CCNB1IP1: variants seen among roughly 807,000 people sequenced by gnomAD.
The protein encoded by CCNB1IP1 is E3 ubiquitin-protein ligase CCNB1IP1.
A neutral mutation model predicts 25.6 loss-of-function variants in CCNB1IP1; 14 were observed. The observed-to-expected ratio is 0.55, with a 90% CI of 0.36 to 0.85. The LOEUF (loss-of-function observed/expected upper bound fraction) is 0.85. CCNB1IP1 is among the 40% of genes least tolerant of loss of function. CCNB1IP1 has a pLI of 0.01. For synonymous variants in CCNB1IP1, 119 were observed against 116.1 expected (o/e 1.02, Z -0.16); for missense variants, 278 against 342.4 (o/e 0.81, Z 1.48).
chr14:20,314,872 A>G (rs1359794144), intron 5 of CCNB1IP1, among the ~76,000 whole-genome samples: 5 of 151,640 alleles, frequency 3.3e-5, no homozygotes, highest in Non-Finnish European at 7.4e-5. Flanking sequence ...TGGGCGGATC[A>G]TGAGGTCAGG....
At chr14:20,317,457 C>T (rs1882745710) in intron 4 of CCNB1IP1, 1 of 152,176 alleles carries the variant, frequency 6.6e-6, no homozygotes, top group South Asian at 2.1e-4. Flanking sequence ...AACACTCGCA[C>T]ACCTTTATCC....
intron 2 of CCNB1IP1, among the ~76,000 whole-genome samples, chr14:20,328,118 G>A (rs931177517): frequency 6.6e-6 from 1 of 152,154 alleles, no homozygotes; most frequent in African/African-American, 2.4e-5. Flanking sequence ...CTGTCAAGCT[G>A]TATAGAATTT....
chr14:20,332,520 A>G (rs1001266146), intron 1 of CCNB1IP1, among the ~76,000 whole-genome samples: 1 of 152,198 alleles, frequency 6.6e-6, no homozygotes, highest in African/African-American at 2.4e-5. Flanking sequence ...TATATATTTT[A>G]TCTGATCTTG....
chr14:20,316,425 A>C lies in CCNB1IP1; in HGVS notation c.99T>G (p.Cys33Trp). 1 of 1,614,044 alleles carries C rather than the reference A, an allele frequency of 6.2e-7. No homozygotes were observed. Among genetic ancestry groups the C allele is most frequent in the Non-Finnish European group, 8.5e-7 (1 of 1,179,962 alleles). ...AWVTACSHIF[C>W]DQHGSGEFSR... is the part of the protein sequence containing the mutation. ...TAAACTCACCACTGCCATGCTGATC[A>C]CAGAAGATGTGAGAGCAGGCAGTGA... The change falls in exon 5 of 7, where the codon TGT becomes TGG. Residue 33 changes from cysteine to tryptophan, a missense_variant. Physicochemically the swap from Cys to Trp is radical, Grantham distance 215. Coordinates refer to ENST00000358932, the MANE Select transcript of CCNB1IP1 (RefSeq NM_021178.5).
rs1882989784 is a variant in CCNB1IP1, at chr14:20,324,142, G to A, written c.-38+1397C>T. Among the ~76,000 whole-genome samples the A allele has an allele frequency of 1.3e-5, 2 of 152,064 alleles. 1 individual carries two copies. Among genetic ancestry groups the A allele is most frequent in the South Asian group, 4.2e-4 (2 of 4,818 alleles). ...TGAGGGGCGGGGTGAAGGTAATGAG[G>A]GGTAGTCTAATTAACAGAAAGATAT... On this transcript the variant is annotated intron_variant, in intron 4 of 6. Coordinates refer to ENST00000358932, the MANE Select transcript of CCNB1IP1 (RefSeq NM_021178.5).
In CCNB1IP1 at chr14:20,311,392, ATT is replaced by A; in HGVS notation, c.*156_*157del. On this transcript the variant is annotated 3_prime_UTR_variant, in exon 7 of 7. Transcript: ENST00000358932. Reference sequence around the variant, plus strand: ...CTGTAAAGTTAGCTAAATTATCTTTATTTTTTTTTAGAAACAGGGTCTCACTC... The same window carrying A: ...CTGTAAAGTTAGCTAAATTATCTTTATTTTTTTAGAAACAGGGTCTCACTC... The A allele has an allele frequency of 2.0e-6, 1 of 508,302 alleles. No individual in the cohort carries two copies. The highest frequency in any genetic ancestry group is 3.5e-6 in the Non-Finnish European group (1 of 285,248). The allele number at this position is 508,302 out of a possible 1,614,324, so 31.5% of individuals were successfully genotyped here. A position where few individuals can be genotyped will look rare whatever the true frequency, so the allele number is the denominator to read the frequency against.
At chr14:20,318,684 T>G (rs1016292194) in intron 4 of CCNB1IP1, among the ~76,000 whole-genome samples, 1 of 152,156 alleles carries the variant, frequency 6.6e-6, no homozygotes, top group East Asian at 1.9e-4. Flanking sequence ...GCTTAATCTA[T>G]ATGGATCTGT....
Position 20,316,223 on chromosome 14 carries a change from T to C in CCNB1IP1, c.297+4A>G, listed in dbSNP as rs768426267. 3 of 1,609,738 alleles carry C rather than the reference T, an allele frequency of 1.9e-6. No individual in the cohort carries two copies. The highest frequency in any genetic ancestry group is 2.2e-5 in the South Asian group (2 of 90,968). The stretch of plus-strand genomic sequence containing the variant: ...GCTCAAGAGAAACTAGACTAAGCAC[T>C]AACCTGATATGTCCAGAAGGCCAGC... On this transcript the variant is annotated splice_donor_region_variant and intron_variant, in intron 5 of 6. Coordinates refer to ENST00000358932, the MANE Select transcript of CCNB1IP1 (RefSeq NM_021178.5).
At chr14:20,321,998 G>T (rs994224198) in intron 4 of CCNB1IP1, among the ~76,000 whole-genome samples, 2 of 152,152 alleles carry the variant, frequency 1.3e-5, no homozygotes, top group African/African-American at 2.4e-5. Context: ...AAGCAGAAAT[G>T]AGTTTTTAAC....
intron 4 of CCNB1IP1, among the ~76,000 whole-genome samples, chr14:20,320,551 T>G (rs1431223358): frequency 6.6e-6 from 1 of 152,108 alleles, no homozygotes; most frequent in East Asian, 1.9e-4. Flanking sequence ...AAAATTATAT[T>G]CCAGCTCTTT....
intron 4 of CCNB1IP1, among the ~76,000 whole-genome samples, chr14:20,324,390 T>A (rs1489322714): frequency 6.6e-6 from 1 of 152,142 alleles, no homozygotes; most frequent in Non-Finnish European, 1.5e-5. Flanking sequence ...TTTCACCATG[T>A]TAGCCAGGCT....
At position 20,323,269 on chromosome 14, in the gene CCNB1IP1, T is replaced by C. The variant is rs577386284; in HGVS notation, c.-38+2270A>G. Reference sequence around the variant, plus strand: ...GAGTGAAGATAAGCCATTTTTGATATATGATGGATCAAAATCCCACTGCCT... The same window carrying C: ...GAGTGAAGATAAGCCATTTTTGATACATGATGGATCAAAATCCCACTGCCT... On this transcript the variant is annotated intron_variant, in intron 4 of 6. Transcript: ENST00000358932. 3.3e-5 allele frequency: 5 copies of C among 152,272 alleles called. No homozygotes were observed. In the East Asian group the frequency reaches 9.7e-4, roughly 29 times the overall value. The allele number at this position is 152,272 out of a possible 1,614,324, so 9.4% of individuals were successfully genotyped here. A position where few individuals can be genotyped will look rare whatever the true frequency, so the allele number is the denominator to read the frequency against.
At chr14:20,325,290 G>A (rs950545358) in intron 4 of CCNB1IP1, among the ~76,000 whole-genome samples, 3 of 151,338 alleles carry the variant, frequency 2.0e-5, no homozygotes, top group East Asian at 2.0e-4. Context: ...GCGTAGTGGC[G>A]GGCAACTGTA....
intron 5 of CCNB1IP1, among the ~76,000 whole-genome samples, chr14:20,314,879 C>T (rs990824438): frequency 1.3e-5 from 2 of 151,498 alleles, no homozygotes; most frequent in African/African-American, 4.8e-5. Context: ...ATCATGAGGT[C>T]AGGAGATCGA....
chr14:20,313,919 T>G (rs2138841061), intron 5 of CCNB1IP1, 118 bp from the exon 6 acceptor site: 1 of 721,944 alleles, frequency 1.4e-6, no homozygotes, highest in African/African-American at 1.8e-5. Context: ...ATTTTATCAT[T>G]TAGAACCCAG....
At chr14:20,315,838 G>C (rs1882672175) in intron 5 of CCNB1IP1, 2 of 981,370 alleles carry the variant, frequency 2.0e-6, no homozygotes, top group African/African-American at 3.4e-5. Context: ...GAACCCAGGA[G>C]TTAGAGACTA....
At chr14:20,311,902 C>G (rs1594272487) in intron 6 of CCNB1IP1, 150 bp from the exon 7 acceptor site, 1 of 489,270 alleles carries the variant, frequency 2.0e-6, no homozygotes, top group Non-Finnish European at 3.4e-6. Flanking sequence ...ATCTTTTACC[C>G]CAGGTTAAGA....
intron 5 of CCNB1IP1, chr14:20,315,585 AAGTCATCCAC>A: frequency 7.0e-6 from 9 of 1,285,090 alleles, no homozygotes; most frequent in Non-Finnish European, 9.1e-6. Flanking sequence ...GACATGCTTA[AAGTCATCCAC>A]AGGGAGGTCT....
At chr14:20,311,904 A>G (rs1882501697) in intron 6 of CCNB1IP1, 152 bp from the exon 7 acceptor site, 2 of 491,184 alleles carry the variant, frequency 4.1e-6, no homozygotes, top group African/African-American at 4.0e-5. Flanking sequence ...CTTTTACCCC[A>G]GGTTAAGAAT....
Sources: gnomAD v4.1 joint callset for allele counts (sites outside exome capture counted in the v4.1 genomes callset) on GRCh38, gnomAD v4.1.1 for gene constraint, MANE v1.5 for transcripts, NCBI Gene and HGNC (gene_info 2026-07-23, HGNC 2026-07-21) for gene names.